The following RARB variants were observed in gnomAD, a reference collection of about 807,000 sequenced individuals.
The protein encoded by RARB is HBV-activated protein.
In RARB, 17 loss-of-function variants were observed where a neutral mutation model predicts 51.9. The ratio of observed to expected loss-of-function variants is 0.33; its 90% CI spans 0.22 to 0.49. The LOEUF (loss-of-function observed/expected upper bound fraction) is 0.49, where lower values mean the gene tolerates loss of function less well. Among genes scored for constraint, RARB ranks in the 20% least tolerant of loss-of-function variants. The pLI is 0.99. For missense variants in RARB, 369 were observed against 550.8 expected, an observed-to-expected ratio of 0.67 and a Z score of 3.30; for synonymous variants, 215 against 195.4, an observed-to-expected ratio of 1.10 and a Z score of -0.84.
intron 4 of RARB, among the ~76,000 whole-genome samples, chr3:25,144,774 C>T (rs905945784): frequency 4.6e-5 from 7 of 152,038 alleles, no homozygotes; most frequent in Non-Finnish European, 7.4e-5. Context: ...AATGCCTGGC[C>T]GATAGGAGCA....
chr3:25,076,371 C>A (rs1273357384), intron 3 of RARB, among the ~76,000 whole-genome samples: 4 of 152,080 alleles, frequency 2.6e-5, no homozygotes, highest in African/African-American at 9.7e-5. Context: ...GATCTCCTGA[C>A]CTTGTGATTT....
chr3:25,209,028 G>A (rs1482362353), intron 5 of RARB, among the ~76,000 whole-genome samples: 4 of 152,188 alleles, frequency 2.6e-5, no homozygotes, highest in Non-Finnish European at 5.9e-5. Context: ...CGACGACGAG[G>A]GATTTAGGTT....
chr3:25,495,188 G>T (rs1696962232), intron 2 of RARB, among the ~76,000 whole-genome samples: 1 of 152,098 alleles, frequency 6.6e-6, no homozygotes, highest in Admixed American at 6.5e-5. Flanking sequence ...AAATTAGAAG[G>T]TGAAACGGGG....
intron 3 of RARB, among the ~76,000 whole-genome samples, chr3:25,565,459 C>T (rs1316532532): frequency 6.6e-6 from 1 of 152,036 alleles, no homozygotes; most frequent in African/African-American, 2.4e-5. Context: ...ATTATTATTA[C>T]TGTCACTGTT....
intron 2 of RARB, among the ~76,000 whole-genome samples, chr3:24,860,082 G>T (rs908715205): frequency 2.6e-5 from 4 of 152,078 alleles, no homozygotes; most frequent in Non-Finnish European, 1.5e-5. Flanking sequence ...TTGTGATGCT[G>T]CCAGGATCTT....
At chr3:25,009,991 G>A (rs1697359336) in intron 2 of RARB, among the ~76,000 whole-genome samples, 2 of 152,076 alleles carry the variant, frequency 1.3e-5, no homozygotes, top group South Asian at 4.1e-4. Flanking sequence ...CATTCAAGTA[G>A]CCCCTCTTAC....
At chr3:25,201,664 C>T (rs1416290668) in intron 5 of RARB, among the ~76,000 whole-genome samples, 3 of 152,162 alleles carry the variant, frequency 2.0e-5, no homozygotes, top group East Asian at 3.9e-4. Flanking sequence ...TTGTCAAAGG[C>T]CTTTTCTGCA....
At chr3:24,970,844 T>C (rs892272472) in intron 2 of RARB, among the ~76,000 whole-genome samples, 1 of 152,164 alleles carries the variant, frequency 6.6e-6, no homozygotes, top group South Asian at 2.1e-4. Context: ...GTCATGAGAA[T>C]AGAAAGACTT....
At chr3:25,152,965 A>G (rs1344718323) in intron 4 of RARB, among the ~76,000 whole-genome samples, 1 of 152,242 alleles carries the variant, frequency 6.6e-6, no homozygotes, top group African/African-American at 2.4e-5. Flanking sequence ...CATTATTTCA[A>G]GTAGAACCAT....
intron 5 of RARB, among the ~76,000 whole-genome samples, chr3:25,175,741 A>G (rs926073578): frequency 2.6e-5 from 4 of 152,082 alleles, no homozygotes; most frequent in Non-Finnish European, 4.4e-5. Flanking sequence ...CAGTGACTCG[A>G]TTTGCTGATG....
At chr3:25,212,048 G>A (rs1447260609) in intron 5 of RARB, among the ~76,000 whole-genome samples, 1 of 152,144 alleles carries the variant, frequency 6.6e-6, no homozygotes, top group Non-Finnish European at 1.5e-5. Flanking sequence ...TTTCTGTTTA[G>A]TGGGTTGGAG....
intron 1 of RARB, among the ~76,000 whole-genome samples, chr3:24,856,320 C>G (rs1260805984): frequency 2.6e-5 from 4 of 152,064 alleles, no homozygotes; most frequent in Non-Finnish European, 5.9e-5. Context: ...ATTGAATATT[C>G]AGGGGACTCC....
At chr3:25,459,302 G>A (rs1485999735) in intron 1 of RARB, among the ~76,000 whole-genome samples, 2 of 152,178 alleles carry the variant, frequency 1.3e-5, no homozygotes, top group Non-Finnish European at 2.9e-5. Flanking sequence ...TATCACAATA[G>A]CCTCAGTTGG....
At chr3:25,000,016 G>C (rs1697126052) in intron 2 of RARB, among the ~76,000 whole-genome samples, 1 of 151,952 alleles carries the variant, frequency 6.6e-6, no homozygotes, top group African/African-American at 2.4e-5. Context: ...AGGAGAAGTG[G>C]GGACATTGGC....
At chr3:25,333,017 A>G (rs1704952058) in intron 5 of RARB, among the ~76,000 whole-genome samples, 1 of 152,180 alleles carries the variant, frequency 6.6e-6, no homozygotes, top group Admixed American at 6.5e-5. Context: ...CTGCTCAACA[A>G]AATAAAAGAG....
chr3:25,082,663 C>T (rs1699030227), intron 3 of RARB, among the ~76,000 whole-genome samples: 2 of 152,144 alleles, frequency 1.3e-5, no homozygotes, highest in South Asian at 4.1e-4. Context: ...GCGATCACTT[C>T]TCTTTTAATA....
intron 5 of RARB, among the ~76,000 whole-genome samples, chr3:25,412,818 G>C (rs1478269475): frequency 6.6e-6 from 1 of 152,036 alleles, no homozygotes; most frequent in East Asian, 1.9e-4. Flanking sequence ...TTGGGAGTTT[G>C]AGACCAGCCT....
intron 5 of RARB, among the ~76,000 whole-genome samples, chr3:25,203,415 C>G (rs549394552): frequency 9.9e-5 from 15 of 152,160 alleles, no homozygotes; most frequent in African/African-American, 3.6e-4. Context: ...TTAATTGGAG[C>G]ATTTAGCCCA....
exon 1 of RARB, among the ~76,000 whole-genome samples, chr3:24,829,394 C>T (rs1379565981): frequency 6.6e-6 from 1 of 152,124 alleles, no homozygotes; most frequent in Non-Finnish European, 1.5e-5. Flanking sequence ...CCAAGGCAGC[C>T]CGCCAAAAGG....
Sources: allele counts gnomAD v4.1 joint callset (sites outside exome capture counted in the v4.1 genomes callset), GRCh38; gene constraint gnomAD v4.1.1; transcripts MANE v1.5; gene names NCBI Gene and HGNC (gene_info 2026-07-23, HGNC 2026-07-21).